Variants in KLHL3 observed in about 807,000 individuals in gnomAD.
KLHL3 encodes kelch-like protein 3.
In KLHL3, 19 loss-of-function variants were observed where a neutral mutation model predicts 70.5. That is an observed-to-expected ratio of 0.27 (90% CI 0.19 to 0.40). The LOEUF is 0.40. Among genes scored for constraint, KLHL3 ranks in the 10% least tolerant of loss-of-function variants. The pLI is 1.00. For missense variants in KLHL3, 512 were observed against 771.1 expected (o/e 0.66, Z 3.98); for synonymous variants, 258 against 290.3 (o/e 0.89, Z 1.13).
At chr5:137,698,454 G>T (rs1752496674) in intron 3 of KLHL3, 46 bp from the exon 4 acceptor site, 1 of 1,609,610 alleles carries the variant, frequency 6.2e-7, no homozygotes, top group African/African-American at 1.3e-5. Flanking sequence ...TGGTACCTGG[G>T]ATATGTTTAC....
chr5:137,731,274 A>G (rs1159866943), intron 1 of KLHL3, among the ~76,000 whole-genome samples: 1 of 152,212 alleles, frequency 6.6e-6, no homozygotes, highest in Non-Finnish European at 1.5e-5. Context: ...TTTGGTTTCA[A>G]TTATCATGGT....
intron 1 of KLHL3, among the ~76,000 whole-genome samples, chr5:137,722,525 T>C (rs1753015293): frequency 6.6e-6 from 1 of 152,218 alleles, no homozygotes; most frequent in South Asian, 2.1e-4. Flanking sequence ...CCAGCAAAGA[T>C]GAAAATTTTC....
intron 3 of KLHL3, among the ~76,000 whole-genome samples, chr5:137,703,347 C>T (rs944272637): frequency 6.6e-6 from 1 of 152,206 alleles, no homozygotes; most frequent in East Asian, 1.9e-4. Flanking sequence ...TTTCTTCCCC[C>T]CAACCCTCAT....
chr5:137,644,268 C>T (rs1476777306), intron 8 of KLHL3, among the ~76,000 whole-genome samples: 1 of 152,170 alleles, frequency 6.6e-6, no homozygotes, highest in African/African-American at 2.4e-5. Flanking sequence ...TGGGGTTTCA[C>T]CATGTTGGTC....
Position 137,674,779 on chromosome 5 carries a change from A to G in KLHL3, c.636+2766T>C, listed in dbSNP as rs111984002. Among the ~76,000 whole-genome samples, 97 of 152,360 alleles carry G rather than the reference A, an allele frequency of 6.4e-4. 1 individual carries two copies. The highest frequency in any genetic ancestry group is 2.0e-3 in the African/African-American group (85 of 41,590). On this transcript the variant is annotated intron_variant, in intron 6 of 14. Transcript: ENST00000309755. ...AAAATTCCACTATAAAACAGTATTG[A>G]AAGGAAAGGTTATTATGCATGCAAG...
chr5:137,682,434 A>AGG (rs1491253461), intron 5 of KLHL3, among the ~76,000 whole-genome samples: 2 of 148,344 alleles, frequency 1.3e-5, no homozygotes, highest in African/African-American at 4.9e-5. Flanking sequence ...AGAGAGAGAG[A>AGG]GGCATAGACA....
chr5:137,711,379 G>C (rs889946589), intron 2 of KLHL3, among the ~76,000 whole-genome samples: 4 of 152,234 alleles, frequency 2.6e-5, no homozygotes, highest in Non-Finnish European at 5.9e-5. Context: ...CTTGAATCCA[G>C]TTCTCCTTAC....
rs1334680628 is a variant in KLHL3, at chr5:137,639,187, A to G, written c.1022-37T>C. 6.2e-7 allele frequency: 1 copy of G among 1,600,414 alleles called. No homozygotes were observed. The highest frequency in any genetic ancestry group is 8.5e-7 in the Non-Finnish European group (1 of 1,170,700). On this transcript the variant is annotated intron_variant, in intron 9 of 14. Coordinates refer to ENST00000309755, the MANE Select transcript of KLHL3 (RefSeq NM_017415.3). The surrounding 1 kb of genome is among the most constrained non-coding windows in gnomAD (Gnocchi z 5.0). ...GAAACCAAGACATCAAGGTCAGGTC[A>G]GGCGCATGACTGCTCATGTTGATGG... is the stretch of plus-strand genomic sequence containing the variant.
chr5:137,701,087 C>T (rs1160962782), intron 3 of KLHL3, among the ~76,000 whole-genome samples: 1 of 151,826 alleles, frequency 6.6e-6, no homozygotes, highest in Non-Finnish European at 1.5e-5. Flanking sequence ...GGCTGGAGTG[C>T]AATGGCATGA....
chr5:137,703,747 C>G (rs569469967), intron 3 of KLHL3, among the ~76,000 whole-genome samples: 19 of 152,036 alleles, frequency 1.2e-4, no homozygotes, highest in African/African-American at 4.6e-4. Flanking sequence ...TGATAGACAC[C>G]GCCTCATCAC....
chr5:137,663,834 A>T (rs1751547706), intron 6 of KLHL3, among the ~76,000 whole-genome samples: 3 of 152,190 alleles, frequency 2.0e-5, no homozygotes, highest in Admixed American at 1.3e-4. Flanking sequence ...TTTCAATGCC[A>T]ATATTTGGGA....
Position 137,658,243 on chromosome 5 carries a change from G to A in KLHL3, c.791C>T (p.Thr264Ile), listed in dbSNP as rs1751390912. 1.2e-6 allele frequency: 2 copies of A among 1,613,566 alleles called. No individual in the cohort carries two copies. Among genetic ancestry groups the A allele is most frequent in the Non-Finnish European group, 1.7e-6 (2 of 1,179,624 alleles). Residue 264 changes from threonine to isoleucine, a missense_variant, in exon 8 of 15, where the codon ACC becomes ATC. By Grantham distance (89) the Thr-to-Ile change is moderately conservative. Transcript: ENST00000309755. The stretch of plus-strand genomic sequence containing the variant: ...GGCCTCAATGAGGAAGTCTTTACAG[G>A]TGTTGTTATTCTTTATCAAAGCTTC... ...EEEALIKNNN[T>I]CKDFLIEAMK... is the part of the protein sequence containing the mutation.
At chr5:137,709,920 G>T in intron 2 of KLHL3, 64 bp from the exon 3 acceptor site, 2 of 1,331,906 alleles carry the variant, frequency 1.5e-6, no homozygotes, top group South Asian at 1.2e-5. Context: ...CATCTTACAA[G>T]GGTATTTTTT....
Position 137,619,875 on chromosome 5 carries a change from CT to C in KLHL3, c.*2222del, listed in dbSNP as rs1279369456. 1 of 152,534 alleles carries C rather than the reference CT, an allele frequency of 6.6e-6. No homozygotes were observed. The highest frequency in any genetic ancestry group is 1.9e-4 in the East Asian group (1 of 5,194). The allele number at this position is 152,534 out of a possible 1,614,324, so 9.4% of individuals were successfully genotyped here. On this transcript the variant is annotated 3_prime_UTR_variant, in exon 15 of 15. Coordinates refer to ENST00000309755, the MANE Select transcript of KLHL3 (RefSeq NM_017415.3). ...GGAAGACGACACATAAAAGTAGCCT[CT>C]CCCGCATGAAAGTCTAGCTTCTCAG...
At chr5:137,669,768 A>G (rs1242398610) in intron 6 of KLHL3, among the ~76,000 whole-genome samples, 1 of 152,250 alleles carries the variant, frequency 6.6e-6, no homozygotes, top group African/African-American at 2.4e-5. Flanking sequence ...ACACGTGAGC[A>G]TGATGTATTA....
intron 6 of KLHL3, among the ~76,000 whole-genome samples, chr5:137,670,590 T>A (rs887606747): frequency 6.6e-6 from 1 of 151,954 alleles, no homozygotes; most frequent in Non-Finnish European, 1.5e-5. Context: ...CTCTGACAAC[T>A]CCTGTAGTAA....
intron 1 of KLHL3, among the ~76,000 whole-genome samples, chr5:137,726,992 A>C (rs541147639): frequency 6.6e-6 from 1 of 152,256 alleles, no homozygotes; most frequent in East Asian, 1.9e-4. Flanking sequence ...CACCTTCCAA[A>C]GCCTTCTTTC....
At chr5:137,728,288 C>A (rs934104917) in intron 1 of KLHL3, among the ~76,000 whole-genome samples, 16 of 152,188 alleles carry the variant, frequency 1.1e-4, no homozygotes, top group African/African-American at 3.9e-4. Context: ...AGACAGTTAT[C>A]TTAGTTGCCT....
intron 3 of KLHL3, among the ~76,000 whole-genome samples, chr5:137,708,838 C>T (rs757068819): frequency 6.6e-6 from 1 of 152,108 alleles, no homozygotes; most frequent in Non-Finnish European, 1.5e-5. Context: ...ATTATAGATT[C>T]CAGGAAACAG....
Sources: gnomAD v4.1 joint callset for allele counts (sites outside exome capture counted in the v4.1 genomes callset) on GRCh38, gnomAD v4.1.1 for gene constraint, Gnocchi (gnomAD v3.1) non-coding constraint, MANE v1.5 for transcripts, NCBI Gene and HGNC (gene_info 2026-07-23, HGNC 2026-07-21) for gene names.